The following CLEC1A variants were observed in gnomAD, a reference collection of about 807,000 sequenced individuals.
The protein encoded by CLEC1A is C-type lectin-like receptor-1.
In CLEC1A, 34 loss-of-function variants were observed where a neutral mutation model predicts 28.7. The ratio of observed to expected loss-of-function variants is 1.18; its 90% CI spans 0.90 to 1.57. The LOEUF is 1.57. CLEC1A is among the 40% of genes most tolerant of loss of function. CLEC1A has a pLI of 0.00. For synonymous variants in CLEC1A, 116 were observed against 121.0 expected (o/e 0.96, Z 0.27); for missense variants, 385 against 339.5 (o/e 1.13, Z -1.05).
At chr12:10,078,832 G>A (rs1361221804) in intron 3 of CLEC1A, among the ~76,000 whole-genome samples, 1 of 152,116 alleles carries the variant, frequency 6.6e-6, no homozygotes, top group Non-Finnish European at 1.5e-5. Flanking sequence ...ACAGCTTGGT[G>A]AGTTCTCGCT....
intron 2 of CLEC1A, among the ~76,000 whole-genome samples, chr12:10,088,424 GAAT>G (rs2137361392): frequency 1.4e-5 from 1 of 69,086 alleles, no homozygotes; most frequent in Non-Finnish European, 3.6e-5. Flanking sequence ...ATTTTTCTTT[GAAT>G]AACTGTTCAA....
At chr12:10,087,537 A>G (rs1291315934) in intron 2 of CLEC1A, among the ~76,000 whole-genome samples, 2 of 105,782 alleles carry the variant, frequency 1.9e-5, no homozygotes, top group Non-Finnish European at 3.5e-5. Flanking sequence ...TTTTTTTTTT[A>G]GACAGAGTCT....
intron 1 of CLEC1A, among the ~76,000 whole-genome samples, chr12:10,089,650 G>T (rs1866572114): frequency 6.6e-6 from 1 of 151,908 alleles, no homozygotes; most frequent in South Asian, 2.1e-4. Context: ...AAATTAATTT[G>T]TTGTTACTTT....
At chr12:10,078,785 G>A (rs1591907832) in intron 3 of CLEC1A, among the ~76,000 whole-genome samples, 1 of 152,176 alleles carries the variant, frequency 6.6e-6, no homozygotes, top group African/African-American at 2.4e-5. Flanking sequence ...GGGGCCTAAT[G>A]GGAAGTGTCT....
Position 10,071,865 on chromosome 12 carries a change from G to A in CLEC1A, c.663-352C>T, listed in dbSNP as rs551972670. Among the ~76,000 whole-genome samples, 6 of 152,142 alleles carry A rather than the reference G, an allele frequency of 3.9e-5. 1 individual carries two copies. The South Asian group carries it at 1.0e-3, about 26-fold the overall frequency. On this transcript the variant is annotated intron_variant, in intron 5 of 5. Transcript: ENST00000315330. ...TACATCAAATATATCCTGTCTCCTG[G>A]GAGAATAATGATATATTGTATATAG...
At chr12:10,090,549 C>T (rs990706041) in intron 1 of CLEC1A, among the ~76,000 whole-genome samples, 16 of 152,146 alleles carry the variant, frequency 1.1e-4, no homozygotes, top group African/African-American at 3.6e-4. Context: ...CAGGCATGAG[C>T]CACCGCGCCC....
chr12:10,077,404 G>A (rs941816729), intron 3 of CLEC1A, among the ~76,000 whole-genome samples: 6 of 151,978 alleles, frequency 3.9e-5, no homozygotes, highest in African/African-American at 1.4e-4. Flanking sequence ...GTGAGACCCT[G>A]TTTTCCCCAC....
intron 1 of CLEC1A, among the ~76,000 whole-genome samples, chr12:10,093,121 T>C (rs10505753): frequency 0.1 from 15,567 of 152,170 alleles, 1,043 homozygotes; most frequent in Non-Finnish European, 0.15. Flanking sequence ...GTGAGTCTAA[T>C]GTTTCTCAGT....
At chr12:10,083,589 C>A (rs559996092) in intron 2 of CLEC1A, among the ~76,000 whole-genome samples, 7 of 152,150 alleles carry the variant, frequency 4.6e-5, no homozygotes, top group Admixed American at 2.0e-4. Context: ...TCTCCTGCCT[C>A]AGCCTCTCAA....
At chr12:10,091,967 A>C (rs535390258) in intron 1 of CLEC1A, among the ~76,000 whole-genome samples, 121 of 152,178 alleles carry the variant, frequency 8.0e-4, no homozygotes, top group African/African-American at 2.8e-3. Context: ...TTCCTAGGGC[A>C]GTAGTTGAAA....
chr12:10,090,583 T>C (rs983424887), intron 1 of CLEC1A, among the ~76,000 whole-genome samples: 1 of 152,038 alleles, frequency 6.6e-6, no homozygotes, highest in Admixed American at 6.6e-5. Context: ...TAGAGATTTA[T>C]ATGAAACGTT....
At chr12:10,088,451 G>T (rs755068080) in intron 2 of CLEC1A, among the ~76,000 whole-genome samples, 3 of 13,532 alleles carry the variant, frequency 2.2e-4, no homozygotes, top group African/African-American at 8.8e-4. Flanking sequence ...ACAGTTAAAA[G>T]AACTGTTCAA....
intron 2 of CLEC1A, among the ~76,000 whole-genome samples, chr12:10,082,543 C>A (rs1866394110): frequency 6.6e-6 from 1 of 152,166 alleles, no homozygotes; most frequent in Non-Finnish European, 1.5e-5. Flanking sequence ...ACCTGCCTAA[C>A]CCTGATCCCA....
At chr12:10,088,348 A>G (rs1487551156) in intron 2 of CLEC1A, among the ~76,000 whole-genome samples, 1 of 152,164 alleles carries the variant, frequency 6.6e-6, no homozygotes, top group Non-Finnish European at 1.5e-5. Flanking sequence ...TATAAGACAC[A>G]AACAGAAGTA....
Position 10,089,132 on chromosome 12 carries a change from C to G in CLEC1A, c.206G>C (p.Gly69Ala), listed in dbSNP as rs1217312090. Residue 69 changes from glycine to alanine, a missense_variant, in exon 2 of 6, where the codon GGG becomes GCG. Coordinates refer to ENST00000315330, the MANE Select transcript of CLEC1A (RefSeq NM_016511.4). ...LVLLIGLAAL[G>A]LLFFQYYQLS... is the part of the protein sequence containing the mutation. The stretch of plus-strand genomic sequence containing the variant: ...TCAGAGCGCAGACTTACACAAAAGC[C>G]CCAGGGCTGCCAGCCCTATCAGCAG... 6.2e-7 allele frequency: 1 copy of G among 1,613,528 alleles called. No homozygotes were observed. The highest frequency in any genetic ancestry group is 8.5e-7 in the Non-Finnish European group (1 of 1,179,494).
At chr12:10,077,223 C>T (rs1466345110) in intron 3 of CLEC1A, among the ~76,000 whole-genome samples, 4 of 152,146 alleles carry the variant, frequency 2.6e-5, no homozygotes, top group Non-Finnish European at 5.9e-5. Context: ...ACTTTCTTAA[C>T]TTCAACTACC....
At chr12:10,080,787 C>T (rs562882449) in intron 3 of CLEC1A, among the ~76,000 whole-genome samples, 1 of 152,270 alleles carries the variant, frequency 6.6e-6, no homozygotes, top group South Asian at 2.1e-4. Context: ...ATTTTTGATA[C>T]CCAGCCAAGT....
intron 2 of CLEC1A, among the ~76,000 whole-genome samples, chr12:10,085,764 A>G (rs1866480066): frequency 6.6e-6 from 1 of 152,306 alleles, no homozygotes; most frequent in East Asian, 1.9e-4. Context: ...ACAGGTCTTG[A>G]AGACAGAAAG....
chr12:10,096,840 C>T lies in CLEC1A; in HGVS notation c.115+1968G>A, dbSNP rs182439756. Among the ~76,000 whole-genome samples, 349 of 152,276 alleles carry T rather than the reference C, an allele frequency of 2.3e-3. 1 individual carries two copies. The highest frequency in any genetic ancestry group is 2.5e-3 in the Non-Finnish European group (169 of 68,022). On this transcript the variant is annotated intron_variant, in intron 1 of 5. Transcript: ENST00000315330. ...ATTATGTGGAAGATGTTAAAATTAACTCAACTCCACAGTTGCTCCTTCTGT... is the reference window on the plus strand; with the variant it reads ...ATTATGTGGAAGATGTTAAAATTAATTCAACTCCACAGTTGCTCCTTCTGT...
Sources: gnomAD v4.1 joint callset for allele counts (sites outside exome capture counted in the v4.1 genomes callset) on GRCh38, gnomAD v4.1.1 for gene constraint, MANE v1.5 for transcripts, NCBI Gene and HGNC (gene_info 2026-07-23, HGNC 2026-07-21) for gene names.